The following CLCN5 variants were observed in gnomAD, a reference collection of about 807,000 sequenced individuals.
CLCN5 encodes the protein Cl-/H+ antiporter 5.
A neutral mutation model predicts 54.0 loss-of-function variants in CLCN5; 17 were observed. The observed-to-expected ratio is 0.31, with a 90% CI of 0.22 to 0.47. The LOEUF is 0.47. CLCN5 is among the 20% of genes least tolerant of loss of function. The pLI is 1.00. For missense variants in CLCN5, 448 were observed against 646.7 expected (o/e 0.69, Z 3.33); for synonymous variants, 222 against 233.0 (o/e 0.95, Z 0.43).
chrX:50,036,162 A>G (rs1931988535), intron 3 of CLCN5, among the ~76,000 whole-genome samples: 1 of 110,637 alleles, frequency 9.0e-6, no homozygotes, highest in African/African-American at 3.4e-5. Flanking sequence ...AGGAACATTG[A>G]ATTGGTTTCT....
chrX:50,036,371 C>G (rs1001394699), intron 3 of CLCN5, among the ~76,000 whole-genome samples: 11 of 111,970 alleles, frequency 9.8e-5, no homozygotes, highest in African/African-American at 3.6e-4. Context: ...ACTAAAAGGA[C>G]GCTTTATAAC....
At chrX:50,058,425 G>T (rs1389658144) in intron 4 of CLCN5, among the ~76,000 whole-genome samples, 1 of 110,921 alleles carries the variant, frequency 9.0e-6, no homozygotes, top group Admixed American at 9.7e-5. Context: ...ATTCTCAACA[G>T]ATTTTTTTTT....
At chrX:49,976,701 A>G (rs1172752902) in intron 3 of CLCN5, among the ~76,000 whole-genome samples, 1 of 112,379 alleles carries the variant, frequency 8.9e-6, no homozygotes, top group Non-Finnish European at 1.9e-5. Context: ...GTTTTCTTCC[A>G]GGCTTTGTCT....
chrX:50,080,225 G>A (rs1304675824), intron 7 of CLCN5, among the ~76,000 whole-genome samples: 1 of 110,875 alleles, frequency 9.0e-6, no homozygotes, highest in African/African-American at 3.3e-5. Context: ...CAAAAAAGCT[G>A]GGGGGGTGCT....
intron 3 of CLCN5, among the ~76,000 whole-genome samples, chrX:49,997,813 G>T (rs1332724498): frequency 7.3e-5 from 8 of 109,959 alleles, no homozygotes; most frequent in African/African-American, 2.7e-4. Flanking sequence ...GAGCCACCAT[G>T]CCTGGCCAAT....
At chrX:50,000,232 T>C (rs1458900732) in intron 3 of CLCN5, among the ~76,000 whole-genome samples, 2 of 110,477 alleles carry the variant, frequency 1.8e-5, no homozygotes, top group Admixed American at 1.9e-4. Flanking sequence ...GGGAGACACC[T>C]GAGTTGCCCC....
chrX:50,087,190 C>T (rs1183844097), intron 11 of CLCN5, among the ~76,000 whole-genome samples: 5 of 111,670 alleles, frequency 4.5e-5, no homozygotes, highest in African/African-American at 6.5e-5. Flanking sequence ...TATTCCAGTA[C>T]ATTTCATATT....
chrX:49,983,878 T>A (rs1447354343), intron 3 of CLCN5, among the ~76,000 whole-genome samples: 2 of 110,129 alleles, frequency 1.8e-5, no homozygotes, highest in Non-Finnish European at 3.8e-5. Context: ...ATCAAACATC[T>A]TGGCCTTTTA....
chrX:49,992,200 CTTTT>C (rs1557179067), intron 3 of CLCN5, among the ~76,000 whole-genome samples: 1 of 100,286 alleles, frequency 1.0e-5, no homozygotes, highest in Non-Finnish European at 2.0e-5. Flanking sequence ...CTCTCCCTCT[CTTTT>C]TTTCTTTTTT....
At chrX:49,963,679 C>A (rs1299621481) in intron 3 of CLCN5, among the ~76,000 whole-genome samples, 1 of 111,970 alleles carries the variant, frequency 8.9e-6, no homozygotes, top group African/African-American at 3.2e-5. Flanking sequence ...CAGTGAATTC[C>A]GTGTCAGAGT....
intron 3 of CLCN5, among the ~76,000 whole-genome samples, chrX:49,939,478 G>A (rs1327882110): frequency 1.8e-5 from 2 of 111,474 alleles, no homozygotes; most frequent in Admixed American, 1.9e-4. Context: ...ATGAGTTCAT[G>A]TCCTTTGTAG....
At chrX:50,079,658 C>G (rs146880909) in intron 7 of CLCN5, among the ~76,000 whole-genome samples, 65 of 111,589 alleles carry the variant, frequency 5.8e-4, no homozygotes, top group African/African-American at 2.1e-3. Context: ...GGGTCCAAAA[C>G]TTTCTACTTA....
intron 3 of CLCN5, among the ~76,000 whole-genome samples, chrX:50,037,404 GAGC>G (rs1932044899): frequency 8.9e-6 from 1 of 112,158 alleles, no homozygotes; most frequent in African/African-American, 3.2e-5. Flanking sequence ...TAGGGAGTCA[GAGC>G]CCAAGTGATA....
At chrX:50,015,253 A>C (rs1225828959) in intron 3 of CLCN5, among the ~76,000 whole-genome samples, 1 of 110,173 alleles carries the variant, frequency 9.1e-6, no homozygotes, top group East Asian at 2.9e-4. Flanking sequence ...GAGTCTTCCT[A>C]TTCCCCCCAC....
chrX:49,981,341 A>G (rs1557177667), intron 3 of CLCN5, among the ~76,000 whole-genome samples: 1 of 111,391 alleles, frequency 9.0e-6, no homozygotes, highest in African/African-American at 3.3e-5. Flanking sequence ...CTAATTTCTG[A>G]TTTCATGGTT....
At chrX:50,018,191 G>A (rs183020295) in intron 3 of CLCN5, among the ~76,000 whole-genome samples, 2 of 111,711 alleles carry the variant, frequency 1.8e-5, no homozygotes, top group East Asian at 5.6e-4. Context: ...ACATATTTTG[G>A]TTAGTTTTAT....
intron 3 of CLCN5, among the ~76,000 whole-genome samples, chrX:49,988,886 G>A (rs141631452): frequency 3.3e-4 from 36 of 110,063 alleles, no homozygotes; most frequent in African/African-American, 1.2e-3. Flanking sequence ...CCGCCTGTTC[G>A]TTCACACTGC....
At chrX:50,003,928 CA>C (rs782555663) in intron 3 of CLCN5, among the ~76,000 whole-genome samples, 55 of 111,952 alleles carry the variant, frequency 4.9e-4, no homozygotes, top group Non-Finnish European at 9.0e-4. Flanking sequence ...CTAATTCTCA[CA>C]AACCCAGTTT....
At chrX:50,027,083 C>T (rs782727843) in intron 3 of CLCN5, among the ~76,000 whole-genome samples, 259 of 104,543 alleles carry the variant, frequency 2.5e-3, no homozygotes, top group Non-Finnish European at 4.2e-3. Flanking sequence ...GGCTTAATCT[C>T]GGCTCACTGC....
Sources: gnomAD v4.1 joint callset for allele counts (sites outside exome capture counted in the v4.1 genomes callset) on GRCh38, gnomAD v4.1.1 for gene constraint, MANE v1.5 for transcripts, NCBI Gene and HGNC (gene_info 2026-07-23, HGNC 2026-07-21) for gene names.